The following RNF115 variants were observed in gnomAD, a reference collection of about 807,000 sequenced individuals.
RNF115 encodes the protein ring finger protein 115.
A neutral mutation model predicts 39.2 loss-of-function variants in RNF115; 31 were observed. The observed-to-expected ratio is 0.79, with a 90% confidence interval of 0.59 to 1.07. The LOEUF (loss-of-function observed/expected upper bound fraction) is 1.07. Among genes scored for constraint, RNF115 ranks in the 50% least tolerant of loss-of-function variants. The probability of loss-of-function intolerance (pLI) is 0.00; values close to 1 mark genes in which losing one functional copy is unlikely to be tolerated. For missense variants in RNF115, 384 were observed against 381.7 expected, an observed-to-expected ratio of 1.01 and a Z score of -0.05; for synonymous variants, 124 against 131.0, an observed-to-expected ratio of 0.95 and a Z score of 0.37.
At chr1:145,765,438 A>G (rs587735898) in intron 4 of RNF115, among the ~76,000 whole-genome samples, 1 of 152,302 alleles carries the variant, frequency 6.6e-6, no homozygotes, top group South Asian at 2.1e-4. Context: ...AAATTAAAAA[A>G]AAATTATTTG....
intron 1 of RNF115, among the ~76,000 whole-genome samples, chr1:145,789,540 A>C (rs367559920): frequency 1.3e-4 from 19 of 151,246 alleles, no homozygotes; most frequent in African/African-American, 4.4e-4. Flanking sequence ...CTAGGATTAC[A>C]GGCATGCGAC....
chr1:145,768,226 C>T (rs1003839237), intron 4 of RNF115, among the ~76,000 whole-genome samples: 2 of 152,254 alleles, frequency 1.3e-5, no homozygotes, highest in South Asian at 4.1e-4. Flanking sequence ...CAGGAGATGC[C>T]CCTTGGAGGC....
chr1:145,747,730 TA>T (rs1657928006), intron 8 of RNF115, among the ~76,000 whole-genome samples: 1 of 152,188 alleles, frequency 6.6e-6, no homozygotes, highest in Admixed American at 6.5e-5. Context: ...TCTGCTGACG[TA>T]GCACAAAAGT....
intron 4 of RNF115, 27 bp from the exon 5 acceptor site, chr1:145,753,076 G>C (rs1658157484): frequency 2.1e-6 from 3 of 1,462,150 alleles, no homozygotes; most frequent in African/African-American, 2.8e-5. Context: ...AATTAGATAA[G>C]ACAACAGACT....
chr1:145,756,864 A>T (rs1431364756), intron 4 of RNF115, among the ~76,000 whole-genome samples: 1 of 119,612 alleles, frequency 8.4e-6, no homozygotes, highest in South Asian at 2.8e-4. Flanking sequence ...TTTGAGGCAG[A>T]GTCTCACTCT....
intron 4 of RNF115, among the ~76,000 whole-genome samples, chr1:145,755,658 TATC>T: frequency 6.6e-6 from 1 of 151,958 alleles, no homozygotes; most frequent in Admixed American, 6.6e-5. Flanking sequence ...AACTTGAGAG[TATC>T]TTTGGAACCC....
At chr1:145,755,306 T>G (rs1394485260) in intron 4 of RNF115, among the ~76,000 whole-genome samples, 1 of 151,694 alleles carries the variant, frequency 6.6e-6, no homozygotes, top group Non-Finnish European at 1.5e-5. Flanking sequence ...AATCACTTGC[T>G]CTGGGAGAGT....
intron 1 of RNF115, among the ~76,000 whole-genome samples, chr1:145,793,618 GCTTTTTCTC>G (rs1648785637): frequency 1.7e-5 from 2 of 121,044 alleles, no homozygotes; most frequent in Non-Finnish European, 3.3e-5. Context: ...TCTCTCACAT[GCTTTTTCTC>G]ACACACACAC....
At chr1:145,792,343 T>C (rs1302451331) in intron 1 of RNF115, among the ~76,000 whole-genome samples, 2 of 152,048 alleles carry the variant, frequency 1.3e-5, no homozygotes. Flanking sequence ...ACACTTTTTT[T>C]CTAAAGAGAT....
intron 4 of RNF115, among the ~76,000 whole-genome samples, chr1:145,754,204 T>C (rs1454118757): frequency 6.6e-6 from 1 of 152,242 alleles, no homozygotes; most frequent in Non-Finnish European, 1.5e-5. Flanking sequence ...GCATATATTA[T>C]GGTATATAAC....
chr1:145,748,601 A>G (rs1183129284), intron 7 of RNF115, among the ~76,000 whole-genome samples: 1 of 152,146 alleles, frequency 6.6e-6, no homozygotes, highest in Non-Finnish European at 1.5e-5. Context: ...GAAGCATCCT[A>G]TTTCAGTGTG....
At position 145,742,788 on chromosome 1, in the gene RNF115, GA is replaced by G. The variant is rs1657727374; in HGVS notation, c.*4077del. 6.6e-6 allele frequency: 1 copy of G among 152,212 alleles called. No individual in the cohort carries two copies. The highest frequency in any genetic ancestry group is 2.4e-5 in the African/African-American group (1 of 41,444). 9.4% of individuals were successfully genotyped at this position (152,212 alleles called of 1,614,324 possible). A position where few individuals can be genotyped will look rare whatever the true frequency, so the allele number is the denominator to read the frequency against. ...ACTATTTAATCAGAGACTGATTGGA[GA>G]AAAAACAAGTTCTTCCCCTCAAATT... is the stretch of plus-strand genomic sequence containing the variant. On this transcript the variant is annotated 3_prime_UTR_variant, in exon 9 of 9. Coordinates refer to ENST00000582693, the MANE Select transcript of RNF115 (RefSeq NM_014455.4).
chr1:145,801,527 C>A (rs1307250084), intron 1 of RNF115, among the ~76,000 whole-genome samples: 1 of 151,484 alleles, frequency 6.6e-6, no homozygotes, highest in Non-Finnish European at 1.5e-5. Context: ...GAGTGAGACT[C>A]CATGTCAAAA....
intron 1 of RNF115, among the ~76,000 whole-genome samples, chr1:145,798,489 G>T (rs191867740): frequency 2.6e-5 from 4 of 152,202 alleles, no homozygotes; most frequent in Non-Finnish European, 5.9e-5. Context: ...ATATGCAAGG[G>T]TTTATTTCTG....
At chr1:145,790,698 G>A (rs950822168) in intron 1 of RNF115, among the ~76,000 whole-genome samples, 15 of 152,050 alleles carry the variant, frequency 9.9e-5, no homozygotes, top group African/African-American at 3.4e-4. Context: ...TCCTAAAGTG[G>A]TGGGATTACA....
intron 3 of RNF115, among the ~76,000 whole-genome samples, chr1:145,778,058 A>G (rs1162576499): frequency 2.0e-5 from 3 of 152,220 alleles, no homozygotes; most frequent in African/African-American, 7.2e-5. Context: ...ATTATTATCC[A>G]TAACAGGCAA....
intron 1 of RNF115, among the ~76,000 whole-genome samples, 194 bp from the exon 2 acceptor site, chr1:145,789,160 T>C (rs782553570): frequency 8.5e-5 from 13 of 152,068 alleles, no homozygotes; most frequent in Non-Finnish European, 1.6e-4. Context: ...TGGACTGCAG[T>C]GGTATGATCA....
Position 145,814,908 on chromosome 1 carries a change from C to G in RNF115, c.102+8864G>C, listed in dbSNP as rs1215185420. Among the ~76,000 whole-genome samples the G allele has an allele frequency of 6.0e-5, 9 of 151,126 alleles. No individual in the cohort carries two copies. In the East Asian group the frequency reaches 1.6e-3, roughly 26 times the overall value. On this transcript the variant is annotated intron_variant, in intron 1 of 8. Coordinates refer to ENST00000582693, the MANE Select transcript of RNF115 (RefSeq NM_014455.4). ...TACCACTGTAGCCTTTTAAAGGCGT[C>G]AAAACACTGAAGTCATCACTTTTTA...
intron 1 of RNF115, among the ~76,000 whole-genome samples, chr1:145,807,401 T>C (rs1553721751): frequency 6.6e-6 from 1 of 152,200 alleles, no homozygotes; most frequent in Non-Finnish European, 1.5e-5. Context: ...AGGATGCTAA[T>C]ATAATATTAA....
Sources: allele counts gnomAD v4.1 joint callset (sites outside exome capture counted in the v4.1 genomes callset), GRCh38; gene constraint gnomAD v4.1.1; transcripts MANE v1.5; gene names NCBI Gene and HGNC (gene_info 2026-07-23, HGNC 2026-07-21).